Variants in HS6ST2 observed in about 807,000 individuals in gnomAD.
The protein encoded by HS6ST2 is heparan-sulfate 6-O-sulfotransferase 2.
A neutral mutation model predicts 33.0 loss-of-function variants in HS6ST2; 17 were observed. The observed-to-expected ratio is 0.52, with a 90% confidence interval of 0.35 to 0.77. The LOEUF (loss-of-function observed/expected upper bound fraction) is 0.77, where lower values mean the gene tolerates loss of function less well. Among genes scored for constraint, HS6ST2 ranks in the 30% least tolerant of loss-of-function variants. The pLI, the probability that HS6ST2 is intolerant of heterozygous loss-of-function variation, is 0.01. For synonymous variants in HS6ST2, 248 were observed against 237.1 expected (o/e 1.05, Z -0.42); for missense variants, 519 against 551.7 (o/e 0.94, Z 0.59).
chrX:132,953,361 G>GCTCT (rs3033785), intron 2 of HS6ST2, among the ~76,000 whole-genome samples: 2 of 106,733 alleles, frequency 1.9e-5, no homozygotes, highest in African/African-American at 3.4e-5. Flanking sequence ...CACCAGCCAA[G>GCTCT]CTCTCTCTCT....
intron 2 of HS6ST2, among the ~76,000 whole-genome samples, chrX:132,745,462 C>T (rs934255166): frequency 5.4e-5 from 6 of 111,999 alleles, no homozygotes; most frequent in Non-Finnish European, 9.4e-5. Context: ...GCAATGAAAT[C>T]GAAGTCAAAA....
intron 2 of HS6ST2, among the ~76,000 whole-genome samples, chrX:132,774,011 T>C (rs1344883442): frequency 2.7e-5 from 3 of 112,307 alleles, no homozygotes; most frequent in Non-Finnish European, 5.6e-5. Context: ...TTTTAAAAAC[T>C]CAATATGAAA....
intron 2 of HS6ST2, among the ~76,000 whole-genome samples, chrX:132,723,726 G>A (rs900007427): frequency 8.9e-6 from 1 of 112,185 alleles, no homozygotes; most frequent in East Asian, 2.8e-4. Flanking sequence ...ACTAAATGAG[G>A]AAAAATTGAA....
chrX:132,854,270 CTTAA>C (rs1453920621), intron 2 of HS6ST2, among the ~76,000 whole-genome samples: 21 of 112,438 alleles, frequency 1.9e-4, no homozygotes, highest in Non-Finnish European at 2.8e-4. Context: ...GAGACTCAGA[CTTAA>C]TTACTTTTCA....
At chrX:132,817,868 A>G (rs1165957087) in intron 2 of HS6ST2, among the ~76,000 whole-genome samples, 1 of 111,703 alleles carries the variant, frequency 9.0e-6, no homozygotes, top group East Asian at 2.8e-4. Context: ...AGCTATGGTG[A>G]GAATGAAATG....
chrX:132,949,998 T>A (rs1049970554), intron 2 of HS6ST2, among the ~76,000 whole-genome samples: 1 of 111,976 alleles, frequency 8.9e-6, no homozygotes, highest in Non-Finnish European at 1.9e-5. Flanking sequence ...GGTTTTGTAA[T>A]AATCTTTCAA....
intron 2 of HS6ST2, among the ~76,000 whole-genome samples, chrX:132,874,911 G>C (rs868787796): frequency 1.8e-5 from 2 of 111,616 alleles, no homozygotes; most frequent in Admixed American, 9.5e-5. Context: ...CCTCTGGAAG[G>C]GGGGGGCGGC....
At chrX:132,790,469 T>C (rs2065111445) in intron 2 of HS6ST2, among the ~76,000 whole-genome samples, 1 of 112,178 alleles carries the variant, frequency 8.9e-6, no homozygotes, top group African/African-American at 3.2e-5. Flanking sequence ...TTTGCAATAT[T>C]CATGTTATTG....
At chrX:132,842,226 A>T (rs2065713541) in intron 2 of HS6ST2, among the ~76,000 whole-genome samples, 1 of 111,549 alleles carries the variant, frequency 9.0e-6, no homozygotes, top group Non-Finnish European at 1.9e-5. Context: ...AGGCTGGCGA[A>T]TGCTCCCTGA....
intron 2 of HS6ST2, among the ~76,000 whole-genome samples, chrX:132,726,705 T>C (rs2064395298): frequency 8.9e-6 from 1 of 112,072 alleles, no homozygotes; most frequent in Non-Finnish European, 1.9e-5. Flanking sequence ...TCATCTACTT[T>C]CCATCTCAGT....
intron 3 of HS6ST2, among the ~76,000 whole-genome samples, chrX:132,675,395 C>A (rs1233081801): frequency 2.7e-5 from 3 of 111,896 alleles, no homozygotes; most frequent in Non-Finnish European, 5.6e-5. Context: ...AACTGCGTTA[C>A]AAAGACTTGT....
At chrX:132,673,375 T>C (rs2063899078) in intron 3 of HS6ST2, among the ~76,000 whole-genome samples, 1 of 112,391 alleles carries the variant, frequency 8.9e-6, no homozygotes, top group South Asian at 3.7e-4. Context: ...ATGTCACATA[T>C]CTTCCATCCC....
At chrX:132,881,243 ACAG>A in intron 2 of HS6ST2, among the ~76,000 whole-genome samples, 1 of 109,918 alleles carries the variant, frequency 9.1e-6, no homozygotes, top group East Asian at 2.9e-4. Flanking sequence ...AGTCCCACCA[ACAG>A]TGTAAAAGTA....
rs576091814 is a variant in HS6ST2 at position 132,874,151 on chromosome X, A to G, written c.947+82657T>C. Among the ~76,000 whole-genome samples, 10 of 112,100 alleles carry G rather than the reference A, an allele frequency of 8.9e-5. No individual in the cohort carries two copies. In the South Asian group the frequency reaches 3.4e-3, roughly 38 times the overall value. The stretch of plus-strand genomic sequence containing the variant: ...CATTCCTGCTCTGGCCTTGGGAATG[A>G]TCTGTGTGTACTTTAGACAAACATG... On this transcript the variant is annotated intron_variant, in intron 2 of 4. Coordinates refer to ENST00000370833, the MANE Select transcript of HS6ST2 (RefSeq NM_001394073.1).
At chrX:132,860,162 C>T (rs1232515304) in intron 2 of HS6ST2, among the ~76,000 whole-genome samples, 3 of 112,093 alleles carry the variant, frequency 2.7e-5, no homozygotes, top group Non-Finnish European at 5.6e-5. Context: ...AAATCCACAT[C>T]AAATGAGCTC....
chrX:132,752,030 C>T (rs756423654), intron 2 of HS6ST2, among the ~76,000 whole-genome samples: 1 of 112,047 alleles, frequency 8.9e-6, no homozygotes, highest in East Asian at 2.8e-4. Flanking sequence ...ATGACTTGCC[C>T]AGGTCACACA....
At chrX:132,953,020 G>A (rs1423271609) in intron 2 of HS6ST2, among the ~76,000 whole-genome samples, 1 of 111,451 alleles carries the variant, frequency 9.0e-6, no homozygotes, top group Non-Finnish European at 1.9e-5. Flanking sequence ...CCCATTCTGT[G>A]CATGCTGGCC....
chrX:132,901,532 AAAGCAGGGAGTCAT>A (rs752744634), intron 2 of HS6ST2, among the ~76,000 whole-genome samples: 1,264 of 111,679 alleles, frequency 0.011, 8 homozygotes, highest in South Asian at 0.053. Context: ...CACCATAGTA[AAAGCAGGGAGTCAT>A]ATGCTAAGAA....
At chrX:132,771,514 A>C (rs2064899781) in intron 2 of HS6ST2, among the ~76,000 whole-genome samples, 1 of 111,702 alleles carries the variant, frequency 9.0e-6, no homozygotes, top group African/African-American at 3.3e-5. Flanking sequence ...GCATGACAAG[A>C]AGCAGCTGTT....
Sources: gnomAD v4.1 joint callset for allele counts (sites outside exome capture counted in the v4.1 genomes callset) on GRCh38, gnomAD v4.1.1 for gene constraint, MANE v1.5 for transcripts, NCBI Gene and HGNC (gene_info 2026-07-23, HGNC 2026-07-21) for gene names.